The following PACSIN1 variants were observed in gnomAD, a reference collection of about 807,000 sequenced individuals.
PACSIN1 encodes the protein protein kinase C and casein kinase substrate in neurons 1.
PACSIN1 carries 15 observed loss-of-function variants against 59.5 expected under a neutral mutation model. The ratio of observed to expected loss-of-function variants is 0.25; its 90% CI spans 0.17 to 0.39. The LOEUF (loss-of-function observed/expected upper bound fraction) is 0.39, where lower values mean the gene tolerates loss of function less well. Among genes scored for constraint, PACSIN1 ranks in the 10% least tolerant of loss-of-function variants. PACSIN1 has a pLI of 1.00. For missense variants in PACSIN1, 420 were observed against 580.2 expected (o/e 0.72, Z 2.84); for synonymous variants, 210 against 220.6 (o/e 0.95, Z 0.42).
At chr6:34,528,057 T>C (rs534134627) in intron 3 of PACSIN1, among the ~76,000 whole-genome samples, 73 of 152,378 alleles carry the variant, frequency 4.8e-4, no homozygotes, top group African/African-American at 1.7e-3. Flanking sequence ...GTTCCTTTAA[T>C]CTAGAACAGT....
At chr6:34,522,545 G>A (rs1000630001) in intron 1 of PACSIN1, among the ~76,000 whole-genome samples, 1 of 152,152 alleles carries the variant, frequency 6.6e-6, no homozygotes, top group Non-Finnish European at 1.5e-5. Flanking sequence ...GGATGGATGG[G>A]TGGATGGATG....
intron 1 of PACSIN1, among the ~76,000 whole-genome samples, chr6:34,487,695 C>A (rs1397956512): frequency 1.3e-5 from 2 of 152,122 alleles, no homozygotes; most frequent in Non-Finnish European, 2.9e-5. Flanking sequence ...GGGCTTTGCA[C>A]CCTCGCATTG....
rs34111587 is a variant in PACSIN1 at position 34,483,001 on chromosome 6, C to CTTTTTTTTT, written c.-64+16743_-64+16751dup. Among the ~76,000 whole-genome samples, 14 of 112,010 alleles carry CTTTTTTTTT rather than the reference C, an allele frequency of 1.2e-4. No individual in the cohort carries two copies. The East Asian group carries it at 1.9e-3, about 15-fold the overall frequency. 73.5% of individuals were successfully genotyped at this position (112,010 alleles called of 152,430 possible). A position where few individuals can be genotyped will look rare whatever the true frequency, so the allele number is the denominator to read the frequency against. On this transcript the variant is annotated intron_variant, in intron 1 of 9. Transcript: ENST00000244458. Reference sequence around the variant, plus strand: ...TGCGCCCAGCCAACTCCATGTTTAACTTTTTTTTTTTTTTTTTTTTGAAAC... The same window carrying CTTTTTTTTT: ...TGCGCCCAGCCAACTCCATGTTTAACTTTTTTTTTTTTTTTTTTTTTTTTTTTTTGAAAC...
chr6:34,530,456 C>T lies in PACSIN1; in HGVS notation c.910-4C>T. ...CAGCCTGACTGCTCCACTGGCCCCACCAGGAGTGGAACCCAGACCTTCCTC... is the reference window on the plus strand; with the variant it reads ...CAGCCTGACTGCTCCACTGGCCCCATCAGGAGTGGAACCCAGACCTTCCTC... On this transcript the variant is annotated splice_region_variant and splice_polypyrimidine_tract_variant and intron_variant, in intron 7 of 9. Transcript: ENST00000244458. This position sits in a 1 kb window ranked among gnomAD's most constrained non-coding sequence, Gnocchi z 4.4. The T allele has an allele frequency of 6.3e-7, 1 of 1,598,514 alleles. No individual in the cohort carries two copies. The highest frequency in any genetic ancestry group is 8.5e-7 in the Non-Finnish European group (1 of 1,171,674).
chr6:34,525,342 A>G lies in PACSIN1; in HGVS notation c.-63-901A>G, dbSNP rs921788844. Among the ~76,000 whole-genome samples, 2 of 152,210 alleles carry G rather than the reference A, an allele frequency of 1.3e-5. No individual in the cohort carries two copies. Among genetic ancestry groups the G allele is most frequent in the African/African-American group, 4.8e-5 (2 of 41,454 alleles). On this transcript the variant is annotated intron_variant, in intron 1 of 9. Coordinates refer to ENST00000244458, the MANE Select transcript of PACSIN1 (RefSeq NM_020804.5). This position sits in a 1 kb window ranked among gnomAD's most constrained non-coding sequence, Gnocchi z 4.9. The stretch of plus-strand genomic sequence containing the variant: ...CTAGGGGGAGGGACATCCTCCACCA[A>G]CCATTCTTACGTGTTATTGCCCCTG...
rs1290046721 is a variant in PACSIN1, at chr6:34,529,244, C to T, written c.457-153C>T. On this transcript the variant is annotated intron_variant, in intron 4 of 9. Coordinates refer to ENST00000244458, the MANE Select transcript of PACSIN1 (RefSeq NM_020804.5). The surrounding 1 kb of genome is among the most constrained non-coding windows in gnomAD (Gnocchi z 6.3). Reference sequence around the variant, plus strand: ...GCCACAAATGGAGGAGCGCTGCTCCCGAACACCTGGAGCCAGGGCCTGCAT... The same window carrying T: ...GCCACAAATGGAGGAGCGCTGCTCCTGAACACCTGGAGCCAGGGCCTGCAT... 6.6e-6 allele frequency among the ~76,000 whole-genome samples: 1 copy of T among 151,992 alleles called. No individual in the cohort carries two copies. Among genetic ancestry groups the T allele is most frequent in the Admixed American group, 6.5e-5 (1 of 15,272 alleles).
intron 1 of PACSIN1, among the ~76,000 whole-genome samples, chr6:34,479,912 G>T (rs750018700): frequency 2.0e-5 from 3 of 151,214 alleles, no homozygotes; most frequent in Admixed American, 6.6e-5. Context: ...TGCAACCTCC[G>T]CCTCCTGGGC....
At chr6:34,503,396 A>G (rs1767057628) in intron 1 of PACSIN1, among the ~76,000 whole-genome samples, 1 of 152,246 alleles carries the variant, frequency 6.6e-6, no homozygotes, top group Admixed American at 6.5e-5. Context: ...TAAAGACTCC[A>G]GAGAGCAATG....
intron 1 of PACSIN1, among the ~76,000 whole-genome samples, chr6:34,498,293 C>G (rs1177106553): frequency 6.6e-6 from 1 of 152,114 alleles, no homozygotes; most frequent in Non-Finnish European, 1.5e-5. Context: ...ATCTCCTGAC[C>G]TTGTGATCCA....
At chr6:34,512,059 ATG>A (rs202212498) in intron 1 of PACSIN1, among the ~76,000 whole-genome samples, 7 of 151,680 alleles carry the variant, frequency 4.6e-5, no homozygotes, top group Non-Finnish European at 7.4e-5. Flanking sequence ...GCGTATGTGC[ATG>A]TGTGTGTGTA....
chr6:34,469,423 G>A (rs1215059652), intron 1 of PACSIN1, among the ~76,000 whole-genome samples: 2 of 151,766 alleles, frequency 1.3e-5, no homozygotes, highest in Non-Finnish European at 2.9e-5. Context: ...GGGACTTGGC[G>A]GGCAGGTCAG....
chr6:34,490,083 T>G (rs79506600), intron 1 of PACSIN1, among the ~76,000 whole-genome samples: 1 of 151,724 alleles, frequency 6.6e-6, no homozygotes, highest in African/African-American at 2.4e-5. Context: ...GTTTTTTTTT[T>G]GTCACCCAGG....
chr6:34,492,120 C>A (rs1766885936), intron 1 of PACSIN1, among the ~76,000 whole-genome samples: 1 of 149,808 alleles, frequency 6.7e-6, no homozygotes, highest in South Asian at 2.1e-4. Context: ...TGGCTGAAAT[C>A]ATTTACATTC....
chr6:34,504,290 A>ATTT (rs368149319), intron 1 of PACSIN1, among the ~76,000 whole-genome samples: 6 of 94,054 alleles, frequency 6.4e-5, no homozygotes, highest in Non-Finnish European at 1.0e-4. Context: ...ATATATATAT[A>ATTT]TTTTTTTTTT....
intron 1 of PACSIN1, among the ~76,000 whole-genome samples, chr6:34,481,882 G>A (rs535541421): frequency 6.6e-6 from 1 of 152,082 alleles, no homozygotes; most frequent in African/African-American, 2.4e-5. Context: ...TTGGGTAACC[G>A]CTATCTAATT....
chr6:34,497,727 ATCT>A (rs1453909872), intron 1 of PACSIN1, among the ~76,000 whole-genome samples: 1 of 152,026 alleles, frequency 6.6e-6, no homozygotes, highest in East Asian at 1.9e-4. Flanking sequence ...GTTCTTGTTC[ATCT>A]TCTTGAATGC....
At position 34,518,259 on chromosome 6, in the gene PACSIN1, G is replaced by A. The variant is rs1443481603; in HGVS notation, c.-63-7984G>A. Among the ~76,000 whole-genome samples the A allele has an allele frequency of 6.6e-6, 1 of 152,244 alleles. No homozygotes were observed. Among genetic ancestry groups the A allele is most frequent in the Non-Finnish European group, 1.5e-5 (1 of 68,054 alleles). ...GTTCCCTGTGTTGCAAAAACGTGCT[G>A]CGCACTCCCACCAGGAGTGTTGCCC... On this transcript the variant is annotated intron_variant, in intron 1 of 9. Transcript: ENST00000244458. This position sits in a 1 kb window ranked among gnomAD's most constrained non-coding sequence, Gnocchi z 4.4.
At chr6:34,491,012 CG>C (rs1234754265) in intron 1 of PACSIN1, among the ~76,000 whole-genome samples, 1 of 151,964 alleles carries the variant, frequency 6.6e-6, no homozygotes. Flanking sequence ...GAGTGCTCGC[CG>C]GGGGTCACTT....
At chr6:34,528,903 GGGGT>G in intron 4 of PACSIN1, 26 bp downstream of exon 4, 6 of 1,376,504 alleles carry the variant, frequency 4.4e-6, no homozygotes, top group Non-Finnish European at 6.1e-6. Context: ...TGCCACGGGC[GGGGT>G]GGGGTGGGCC....
Sources: gnomAD v4.1 joint callset for allele counts (sites outside exome capture counted in the v4.1 genomes callset) on GRCh38, gnomAD v4.1.1 for gene constraint, Gnocchi (gnomAD v3.1) non-coding constraint, MANE v1.5 for transcripts, NCBI Gene and HGNC (gene_info 2026-07-23, HGNC 2026-07-21) for gene names.